Variants in COL4A6 observed in about 807,000 individuals in gnomAD.
COL4A6 encodes collagen alpha-6(IV) chain.
In COL4A6, 59 loss-of-function variants were observed where a neutral mutation model predicts 126.7. The observed-to-expected ratio is 0.47, with a 90% CI of 0.38 to 0.58. The LOEUF (loss-of-function observed/expected upper bound fraction) is 0.58. COL4A6 is among the 20% of genes least tolerant of loss of function. The probability of loss-of-function intolerance (pLI) is 0.00; values close to 1 mark genes in which losing one functional copy is unlikely to be tolerated. For missense variants in COL4A6, 1,285 were observed against 1,337.3 expected, an observed-to-expected ratio of 0.96 and a Z score of 0.61; for synonymous variants, 547 against 496.6, an observed-to-expected ratio of 1.10 and a Z score of -1.35.
chrX:108,372,030 A>T (rs904475253), intron 2 of COL4A6, among the ~76,000 whole-genome samples: 30 of 111,211 alleles, frequency 2.7e-4, no homozygotes, highest in Middle Eastern at 4.7e-3. Context: ...CCCTGCACAG[A>T]CTTAAACCCC....
chrX:108,278,016 A>G (rs1055959597), intron 3 of COL4A6, among the ~76,000 whole-genome samples: 3 of 111,754 alleles, frequency 2.7e-5, no homozygotes, highest in African/African-American at 9.8e-5. Flanking sequence ...AAAGACCAAA[A>G]ATAGATAAAA....
At chrX:108,407,801 A>G (rs1037682154) in intron 2 of COL4A6, among the ~76,000 whole-genome samples, 1 of 112,569 alleles carries the variant, frequency 8.9e-6, no homozygotes, top group Non-Finnish European at 1.9e-5. Flanking sequence ...TTCCTGCTGT[A>G]TGATTTACGG....
chrX:108,333,425 T>C (rs893803519), intron 2 of COL4A6, among the ~76,000 whole-genome samples: 6 of 110,829 alleles, frequency 5.4e-5, no homozygotes, highest in African/African-American at 2.0e-4. Context: ...CTCAAAATAA[T>C]AAAAGCCATA....
chrX:108,438,270 G>C lies in COL4A6; in HGVS notation c.-74C>G. ...CGCGGCCCGTGCTCATCTGGGCTCT[G>C]CTGATGCTTGGAGGCTGTTTCCTTA... is the stretch of plus-strand genomic sequence containing the variant. On this transcript the variant is annotated 5_prime_UTR_variant, in exon 1 of 45. Coordinates refer to ENST00000334504, the MANE Select transcript of COL4A6 (RefSeq NM_033641.4). 2 of 1,139,642 alleles carry C rather than the reference G, an allele frequency of 1.8e-6. No individual in the cohort carries two copies. Among genetic ancestry groups the C allele is most frequent in the Non-Finnish European group, 2.3e-6 (2 of 863,591 alleles). 93.9% of individuals were successfully genotyped at this position (1,139,642 alleles called of 1,213,427 possible).
chrX:108,312,044 G>A (rs1002733680), intron 2 of COL4A6, among the ~76,000 whole-genome samples: 5 of 111,695 alleles, frequency 4.5e-5, no homozygotes, highest in Non-Finnish European at 9.4e-5. Flanking sequence ...ATCCACCTTG[G>A]GAAAAAAGGA....
At chrX:108,378,073 T>A (rs578163648) in intron 2 of COL4A6, among the ~76,000 whole-genome samples, 67 of 107,347 alleles carry the variant, frequency 6.2e-4, no homozygotes, top group African/African-American at 1.9e-3. Flanking sequence ...TGAAGAAATT[T>A]AAAAAAAAAA....
In COL4A6 at chrX:108,254,210, C is replaced by CT. The variant is rs781137500; in HGVS notation, c.145-32837dup. On this transcript the variant is annotated intron_variant, in intron 3 of 44. Transcript: ENST00000334504. ...ATCCCTGGACACTACCTGGAGGCTG[C>CT]TTTTTTTTTTCCTGGCTTATATCCC... 1.4e-3 allele frequency among the ~76,000 whole-genome samples: 144 copies of CT among 105,954 alleles called. 5 individuals carry two copies. In the East Asian group the frequency reaches 0.033, roughly 25 times the overall value. 92.0% of individuals were successfully genotyped at this position (105,954 alleles called of 115,157 possible).
rs528284555 is a variant in COL4A6 at position 108,321,947 on chromosome X, G to A, written c.64-11119C>T. On this transcript the variant is annotated intron_variant, in intron 2 of 44. Coordinates refer to ENST00000334504, the MANE Select transcript of COL4A6 (RefSeq NM_033641.4). ...ACAGATAAAAAAGCTGATGCTTCAA[G>A]GGGTTAGTTTGCCTTCCCAAGGTCA... is the stretch of plus-strand genomic sequence containing the variant. Among the ~76,000 whole-genome samples the A allele has an allele frequency of 2.2e-4, 25 of 111,284 alleles. No individual in the cohort carries two copies. The Admixed American group carries it at 2.4e-3, about 11-fold the overall frequency.
rs760233418 is a variant in COL4A6, at chrX:108,165,011, C to G, written c.3836G>C (p.Gly1279Ala). Residue 1279 changes from glycine (G) to alanine (A), a missense_variant, in exon 39 of 45, where the codon GGT becomes GCT. Physicochemically the swap from Gly to Ala is moderately conservative, Grantham distance 60. Coordinates refer to ENST00000334504, the MANE Select transcript of COL4A6 (RefSeq NM_033641.4). ...TTGATTCGAGGATGGCCCAGGGGGACCTGGGGGTCCAGCGGGGCCTGGGCG... is the reference window on the plus strand; with the variant it reads ...TTGATTCGAGGATGGCCCAGGGGGAGCTGGGGGTCCAGCGGGGCCTGGGCG... Reference protein sequence around the residue: ...RGRPGPAGPPGPPGPSSNQGD... With the variant: ...RGRPGPAGPPAPPGPSSNQGD... 3.3e-6 allele frequency: 4 copies of G among 1,208,032 alleles called. No individual in the cohort carries two copies.
At chrX:108,407,116 C>A (rs935527802) in intron 2 of COL4A6, among the ~76,000 whole-genome samples, 5 of 112,257 alleles carry the variant, frequency 4.5e-5, no homozygotes, top group African/African-American at 1.6e-4. Flanking sequence ...ACTCTGGGAG[C>A]GAATTATATG....
chrX:108,345,372 C>T (rs1024084030), intron 2 of COL4A6, among the ~76,000 whole-genome samples: 1 of 111,593 alleles, frequency 9.0e-6, no homozygotes, highest in African/African-American at 3.3e-5. Context: ...CACATGTAGT[C>T]ATCTTCTGGA....
At chrX:108,272,914 T>C (rs983319009) in intron 3 of COL4A6, among the ~76,000 whole-genome samples, 2 of 110,124 alleles carry the variant, frequency 1.8e-5, no homozygotes, top group Admixed American at 1.9e-4. Flanking sequence ...TTTATATATA[T>C]TTTTTACTTT....
intron 2 of COL4A6, among the ~76,000 whole-genome samples, chrX:108,432,028 A>G (rs188452555): frequency 8.9e-6 from 1 of 112,541 alleles, no homozygotes; most frequent in African/African-American, 3.2e-5. Context: ...ATTTCTCAAG[A>G]TCTTGGCTCT....
At chrX:108,301,168 A>C (rs2038478398) in intron 3 of COL4A6, among the ~76,000 whole-genome samples, 1 of 112,089 alleles carries the variant, frequency 8.9e-6, no homozygotes, top group Admixed American at 9.4e-5. Flanking sequence ...ATACTTGGTA[A>C]TTTCATCTCC....
intron 2 of COL4A6, among the ~76,000 whole-genome samples, chrX:108,374,800 G>T (rs1177532188): frequency 8.9e-6 from 1 of 112,015 alleles, no homozygotes; most frequent in Non-Finnish European, 1.9e-5. Flanking sequence ...TGCTTTAAGG[G>T]TGTGGGAGTC....
At chrX:108,343,157 A>G (rs1442274635) in intron 2 of COL4A6, among the ~76,000 whole-genome samples, 24 of 73,864 alleles carry the variant, frequency 3.2e-4, no homozygotes, top group East Asian at 2.9e-3. Context: ...ATATATATAT[A>G]TATATATAGT....
intron 2 of COL4A6, among the ~76,000 whole-genome samples, chrX:108,402,785 T>TGTTGAAC (rs2041117206): frequency 1.8e-5 from 2 of 111,277 alleles, no homozygotes; most frequent in Admixed American, 9.6e-5. Context: ...GTTGACGTCA[T>TGTTGAAC]ATGGTTAGAA....
At chrX:108,287,570 C>T (rs2038042170) in intron 3 of COL4A6, among the ~76,000 whole-genome samples, 1 of 111,647 alleles carries the variant, frequency 9.0e-6, no homozygotes, top group African/African-American at 3.3e-5. Context: ...ATAAAGTTTT[C>T]TATTCTGGCT....
intron 16 of COL4A6, among the ~76,000 whole-genome samples, chrX:108,194,132 A>T (rs1349572318): frequency 8.9e-6 from 1 of 112,602 alleles, no homozygotes; most frequent in Non-Finnish European, 1.9e-5. Context: ...CCAAAGAGGG[A>T]TTTAGGTACC....
Sources: gnomAD v4.1 joint callset for allele counts (sites outside exome capture counted in the v4.1 genomes callset) on GRCh38, gnomAD v4.1.1 for gene constraint, MANE v1.5 for transcripts, NCBI Gene and HGNC (gene_info 2026-07-23, HGNC 2026-07-21) for gene names.